The following CDC37 variants were observed in gnomAD, a reference collection of about 807,000 sequenced individuals.
CDC37 encodes the protein hsp90 co-chaperone Cdc37.
CDC37 carries 9 observed loss-of-function variants against 46.9 expected under a neutral mutation model. That is an observed-to-expected ratio of 0.19 (90% confidence interval 0.12 to 0.33). The LOEUF (loss-of-function observed/expected upper bound fraction) is 0.33, where lower values mean the gene tolerates loss of function less well. Ranked by LOEUF, CDC37 falls within the 10% of genes least tolerant of loss-of-function variation. The pLI, the probability that CDC37 is intolerant of heterozygous loss-of-function variation, is 1.00. For missense variants in CDC37, 388 were observed against 514.6 expected (o/e 0.75, Z 2.38); for synonymous variants, 193 against 191.0 (o/e 1.01, Z -0.09).
Position 10,393,159 on chromosome 19 carries a change from T to TG in CDC37, c.910-3dup. 2 of 1,612,978 alleles carry TG rather than the reference T, an allele frequency of 1.2e-6. No homozygotes were observed. Among genetic ancestry groups the TG allele is most frequent in the African/African-American group, 2.7e-5 (2 of 74,748 alleles). On this transcript the variant is annotated splice_region_variant and splice_polypyrimidine_tract_variant and intron_variant, in intron 6 of 7. Coordinates refer to ENST00000222005, the MANE Select transcript of CDC37 (RefSeq NM_007065.4). This position sits in a 1 kb window ranked among gnomAD's most constrained non-coding sequence, Gnocchi z 4.9. Reference sequence around the variant, plus strand: ...CACATCGAAGCACTTCTGGAGTTCCTGGGGGTACAGAGGGGCTGGGGTCAG... The same window carrying TG: ...CACATCGAAGCACTTCTGGAGTTCCTGGGGGGTACAGAGGGGCTGGGGTCAG...
Position 10,398,739 on chromosome 19 carries a change from T to C in CDC37, c.103-2536A>G, listed in dbSNP as rs1444144845. ...CCACTCTGGGGCCTCAAAAAGGAAA[T>C]GTCCTTCAAATGCTTAGTTTAATTT... On this transcript the variant is annotated intron_variant, in intron 1 of 7. Coordinates refer to ENST00000222005, the MANE Select transcript of CDC37 (RefSeq NM_007065.4). This position sits in a 1 kb window ranked among gnomAD's most constrained non-coding sequence, Gnocchi z 4.2. Among the ~76,000 whole-genome samples the C allele has an allele frequency of 6.6e-6, 1 of 152,208 alleles. No homozygotes were observed. The highest frequency in any genetic ancestry group is 1.5e-5 in the Non-Finnish European group (1 of 68,010).
At chr19:10,392,574 T>A (rs747248054) in intron 7 of CDC37, among the ~76,000 whole-genome samples, 20 of 151,404 alleles carry the variant, frequency 1.3e-4, no homozygotes, top group Admixed American at 3.3e-4. Context: ...AAACATAATT[T>A]AAAAAAAAAT....
chr19:10,393,756 C>T lies in CDC37; in HGVS notation c.727-315G>A, dbSNP rs28382790. 3.2e-4 allele frequency: 105 copies of T among 329,726 alleles called. No individual in the cohort carries two copies. Among genetic ancestry groups the T allele is most frequent in the South Asian group, 4.8e-4 (7 of 14,642 alleles). 20.4% of individuals were successfully genotyped at this position (329,726 alleles called of 1,614,324 possible). A position where few individuals can be genotyped will look rare whatever the true frequency, so the allele number is the denominator to read the frequency against. ...GCCTTGTCCTTGGTCTCCCTAATCT[C>T]GGTAAGGATAGCCCTGTTCCTCCAG... On this transcript the variant is annotated intron_variant, in intron 5 of 7. Transcript: ENST00000222005. The surrounding 1 kb of genome is among the most constrained non-coding windows in gnomAD (Gnocchi z 4.9).
At position 10,395,512 on chromosome 19, in the gene CDC37, T is replaced by C. The variant is rs988144565; in HGVS notation, c.410A>G (p.Glu137Gly). 1 of 1,613,994 alleles carries C rather than the reference T, an allele frequency of 6.2e-7. No homozygotes were observed. Among genetic ancestry groups the C allele is most frequent in the African/African-American group, 1.3e-5 (1 of 74,950 alleles). The change falls in exon 3 of 8, where the codon GAG becomes GGG. Residue 137 changes from glutamate to glycine, a missense_variant. Around this residue, in one of 2 missense-constraint regions of CDC37, gnomAD observed 374 missense variants for 467.4 expected, o/e 0.80. Transcript: ENST00000222005. ...CTCCCTCACCTCCTCTGAGTCCTCCTCCGTCTTCTCGGGCTTGGTATTTAC... is the reference window on the plus strand; with the variant it reads ...CTCCCTCACCTCCTCTGAGTCCTCCCCCGTCTTCTCGGGCTTGGTATTTAC... ...SMVNTKPEKT[E>G]EDSEEVREQK...
rs916152718 is a variant in CDC37, at chr19:10,399,855, C to T, written c.102+3523G>A. Among the ~76,000 whole-genome samples the T allele has an allele frequency of 2.1e-5, 3 of 145,838 alleles. No homozygotes were observed. In the Admixed American group the frequency reaches 2.1e-4, roughly 10 times the overall value. Reference sequence around the variant, plus strand: ...GCTGAGGCAGGAGAATTGCTTGAACCTGGGAGGTGGAGGTTACAGTGAGCC... The same window carrying T: ...GCTGAGGCAGGAGAATTGCTTGAACTTGGGAGGTGGAGGTTACAGTGAGCC... On this transcript the variant is annotated intron_variant, in intron 1 of 7. Coordinates refer to ENST00000222005, the MANE Select transcript of CDC37 (RefSeq NM_007065.4).
At chr19:10,394,929 C>T (rs1265051045) in intron 5 of CDC37, 92 bp downstream of exon 5, 2 of 1,360,268 alleles carry the variant, frequency 1.5e-6, no homozygotes, top group Admixed American at 2.4e-5. Flanking sequence ...GGGCTTGAGT[C>T]CCAGTGGAGA....
At position 10,403,467 on chromosome 19, in the gene CDC37, T is replaced by C; in HGVS notation, c.13A>G (p.Ser5Gly). The C allele has an allele frequency of 1.2e-6, 2 of 1,613,166 alleles. No homozygotes were observed. The highest frequency in any genetic ancestry group is 1.7e-6 in the Non-Finnish European group (2 of 1,179,680). Reference sequence around the variant, plus strand: ...GACACCTCAATGTGGTCCCACACGCTGTAGTCCACCATCTTGCCTTGGCGG... The same window carrying C: ...GACACCTCAATGTGGTCCCACACGCCGTAGTCCACCATCTTGCCTTGGCGG... MVDY[S>G]VWDHIEVSDD... Residue 5 changes from serine to glycine, a missense_variant, in exon 1 of 8, where the codon AGC (serine) becomes GGC (glycine). Ser to Gly is a moderately conservative substitution (Grantham distance 56, BLOSUM62 0). This residue lies in a region of CDC37 where 14 missense variants were observed against 47.2 expected (regional missense o/e 0.30). Coordinates refer to ENST00000222005, the MANE Select transcript of CDC37 (RefSeq NM_007065.4).
chr19:10,398,692 AATCT>A lies in CDC37; in HGVS notation c.103-2493_103-2490del, dbSNP rs1163749312. 6.6e-6 allele frequency among the ~76,000 whole-genome samples: 1 copy of A among 152,156 alleles called. No homozygotes were observed. The highest frequency in any genetic ancestry group is 1.5e-5 in the Non-Finnish European group (1 of 68,016). ...GTCATTACCATCTGTGCAAGAGAAC[AATCT>A]CTCTCTCTCTCTGGGGACCACTCTG... On this transcript the variant is annotated intron_variant, in intron 1 of 7. Transcript: ENST00000222005. The surrounding 1 kb of genome is among the most constrained non-coding windows in gnomAD (Gnocchi z 4.2).
At chr19:10,403,005 G>A (rs761401103) in intron 1 of CDC37, among the ~76,000 whole-genome samples, 1 of 152,290 alleles carries the variant, frequency 6.6e-6, no homozygotes, top group Admixed American at 6.5e-5. Flanking sequence ...CGAATAGGAT[G>A]AGGGATCATC....
intron 2 of CDC37, 138 bp from the exon 3 acceptor site, chr19:10,395,681 G>A (rs762840182): frequency 5.9e-6 from 5 of 842,706 alleles, no homozygotes; most frequent in South Asian, 2.9e-5. Context: ...AAGGTGGCGG[G>A]AGCGTGGGCA....
intron 1 of CDC37, among the ~76,000 whole-genome samples, chr19:10,402,679 T>G (rs544075670): frequency 6.6e-6 from 1 of 152,202 alleles, no homozygotes; most frequent in South Asian, 2.1e-4. Context: ...AATGTGAGGC[T>G]CTATCGGGTT....
chr19:10,395,160 G>C lies in CDC37; in HGVS notation c.604-17C>G, dbSNP rs927041029. 6.2e-7 allele frequency: 1 copy of C among 1,609,244 alleles called. No homozygotes were observed. The highest frequency in any genetic ancestry group is 8.5e-7 in the Non-Finnish European group (1 of 1,176,270). On this transcript the variant is annotated splice_polypyrimidine_tract_variant and intron_variant, in intron 4 of 7. Coordinates refer to ENST00000222005, the MANE Select transcript of CDC37 (RefSeq NM_007065.4). Reference sequence around the variant, plus strand: ...TGCACATTTCTGCCAGGAAGAACAGGCACAGCGTCACCAAGTGGCGGCCTC... The same window carrying C: ...TGCACATTTCTGCCAGGAAGAACAGCCACAGCGTCACCAAGTGGCGGCCTC...
chr19:10,391,426 C>T lies in CDC37; in HGVS notation c.*125G>A, dbSNP rs11548939. The T allele has an allele frequency of 0.039, 46,808 of 1,185,510 alleles. 1,133 individuals are homozygous for T. The highest frequency in any genetic ancestry group is 0.059 in the Middle Eastern group (273 of 4,616). The allele number at this position is 1,185,510 out of a possible 1,614,324, so 73.4% of individuals were successfully genotyped here. A position where few individuals can be genotyped will look rare whatever the true frequency, so the allele number is the denominator to read the frequency against. The stretch of plus-strand genomic sequence containing the variant: ...GAGAGGCCAGGGAGGGCTGGGCGGG[C>T]CCCCCAGGCTGGGCCGAGCAGCGCA... On this transcript the variant is annotated 3_prime_UTR_variant, in exon 8 of 8. Coordinates refer to ENST00000222005, the MANE Select transcript of CDC37 (RefSeq NM_007065.4).
Position 10,395,810 on chromosome 19 carries a change from A to G in CDC37, c.378+118T>C. 6.3e-6 allele frequency: 3 copies of G among 473,434 alleles called. No homozygotes were observed. In the South Asian group the frequency reaches 7.7e-5, roughly 12 times the overall value. The allele number at this position is 473,434 out of a possible 1,614,324, so 29.3% of individuals were successfully genotyped here. ...ATCCCTCAGCTCCCCGCCCCCCACC[A>G]CACTCTTCAACTACACCACCGGGGT... On this transcript the variant is annotated intron_variant, in intron 2 of 7. Coordinates refer to ENST00000222005, the MANE Select transcript of CDC37 (RefSeq NM_007065.4).
In CDC37 at chr19:10,393,351, T is replaced by C. The variant is rs759555262; in HGVS notation, c.817A>G (p.Lys273Glu). The change falls in exon 6 of 8, where the codon AAG (lysine) becomes GAG (glutamate). Residue 273 changes from lysine (K) to glutamate (E), a missense_variant. Physicochemically the swap from Lys to Glu is moderately conservative, Grantham distance 56. Transcript: ENST00000222005. The surrounding 1 kb of genome is among the most constrained non-coding windows in gnomAD (Gnocchi z 4.9). The part of the protein sequence containing the change: ...VRGRAKLRIE[K>E]AMKEYEEEER... ...TCCTCCTCGTACTCCTTCATGGCCT[T>C]CTCGATGCGCAGCTTGGCACGGCCC... 6.2e-7 allele frequency: 1 copy of C among 1,613,810 alleles called. No homozygotes were observed.
intron 4 of CDC37, 24 bp downstream of exon 4, chr19:10,395,204 A>C (rs1305932636): frequency 6.2e-7 from 1 of 1,613,808 alleles, no homozygotes; most frequent in Admixed American, 1.7e-5. Context: ...GCCTTTTCAC[A>C]GTCCCGGGGA....
intron 1 of CDC37, among the ~76,000 whole-genome samples, chr19:10,402,742 G>C (rs1476392848): frequency 6.6e-6 from 1 of 152,172 alleles, no homozygotes. Flanking sequence ...CCAAGTACTC[G>C]GTGAGACTAA....
intron 2 of CDC37, 99 bp downstream of exon 2, chr19:10,395,828 AC>A: frequency 9.1e-7 from 1 of 1,098,176 alleles, no homozygotes; most frequent in East Asian, 4.5e-5. Flanking sequence ...CAACTACACC[AC>A]CGGGGTCCTC....
chr19:10,392,153 G>A (rs1251888235), intron 7 of CDC37, among the ~76,000 whole-genome samples: 2 of 152,020 alleles, frequency 1.3e-5, no homozygotes, highest in African/African-American at 4.8e-5. Flanking sequence ...GTGCAATCTA[G>A]AACAAAAGCC....
Sources: gnomAD v4.1 joint callset for allele counts (sites outside exome capture counted in the v4.1 genomes callset) on GRCh38, gnomAD v4.1.1 for gene constraint, gnomAD v4.1.1 regional missense constraint, Gnocchi (gnomAD v3.1) non-coding constraint, MANE v1.5 for transcripts, NCBI Gene and HGNC (gene_info 2026-07-23, HGNC 2026-07-21) for gene names.